DLGAP2: variants seen among roughly 807,000 people sequenced by gnomAD.
The protein encoded by DLGAP2 is disks large-associated protein 2.
Under a neutral mutation model 100.3 loss-of-function variants are expected in DLGAP2, and 26 were observed. The ratio of observed to expected loss-of-function variants is 0.26; its 90% confidence interval spans 0.19 to 0.36. The LOEUF (loss-of-function observed/expected upper bound fraction) is 0.36. DLGAP2 is among the 10% of genes least tolerant of loss of function. The pLI is 1.00. For synonymous variants in DLGAP2, 886 were observed against 630.1 expected, an observed-to-expected ratio of 1.41 and a Z score of -6.08; for missense variants, 1,858 against 1,453.2, an observed-to-expected ratio of 1.28 and a Z score of -4.53.
intron 3 of DLGAP2, among the ~76,000 whole-genome samples, chr8:1,413,304 A>C (rs1796787047): frequency 6.6e-6 from 1 of 152,260 alleles, no homozygotes; most frequent in South Asian, 2.1e-4. Context: ...AGCAGAATGA[A>C]TAAATGGATA....
chr8:1,371,281 G>C (rs991031659), intron 3 of DLGAP2, among the ~76,000 whole-genome samples: 1 of 152,176 alleles, frequency 6.6e-6, no homozygotes, highest in Non-Finnish European at 1.5e-5. Context: ...CCTTTCATTC[G>C]GCCTCTATTT....
At chr8:1,228,659 A>G (rs1213944933) in intron 2 of DLGAP2, among the ~76,000 whole-genome samples, 2 of 152,374 alleles carry the variant, frequency 1.3e-5, no homozygotes, top group African/African-American at 2.4e-5. Context: ...AATGCAATGC[A>G]ACATATTAAT....
intron 2 of DLGAP2, among the ~76,000 whole-genome samples, chr8:1,011,972 A>T (rs1801302813): frequency 6.6e-6 from 1 of 152,160 alleles, no homozygotes; most frequent in African/African-American, 2.4e-5. Context: ...GGCTCACTCT[A>T]AATTCAGGCT....
At chr8:1,102,318 A>AAT (rs1165012965) in intron 2 of DLGAP2, among the ~76,000 whole-genome samples, 2 of 147,510 alleles carry the variant, frequency 1.4e-5, no homozygotes, top group South Asian at 2.1e-4. Context: ...ATTACATAAT[A>AAT]ATATATATAA....
chr8:1,613,861 T>G (rs1797063362), intron 6 of DLGAP2, among the ~76,000 whole-genome samples: 1 of 152,260 alleles, frequency 6.6e-6, no homozygotes, highest in East Asian at 1.9e-4. Context: ...AGAGAAAGAT[T>G]AGCAAATTGA....
At chr8:988,983 C>G (rs553387194) in intron 2 of DLGAP2, among the ~76,000 whole-genome samples, 5 of 152,202 alleles carry the variant, frequency 3.3e-5, no homozygotes, top group Non-Finnish European at 5.9e-5. Context: ...TCCTCTCCGT[C>G]GCTGCCTGCA....
intron 2 of DLGAP2, among the ~76,000 whole-genome samples, chr8:1,202,769 C>T (rs1797906975): frequency 6.6e-6 from 1 of 152,196 alleles, no homozygotes; most frequent in Non-Finnish European, 1.5e-5. Context: ...CTCAGGCATT[C>T]ACCTTGAATC....
At chr8:1,331,220 C>T (rs1244771189) in intron 3 of DLGAP2, among the ~76,000 whole-genome samples, 1 of 152,186 alleles carries the variant, frequency 6.6e-6, no homozygotes. Context: ...CACTGATGTG[C>T]TAGTTGAAGC....
rs140426786 is a variant in DLGAP2 at position 1,332,092 on chromosome 8, A to G, written c.106+73209A>G. On this transcript the variant is annotated intron_variant, in intron 3 of 14. Transcript: ENST00000637795. ...GGGTTTCCATGGCCTGGCACAGCCC[A>G]TCCCCAACAGCCACCTTCCTTTGCT... Among the ~76,000 whole-genome samples, 91 of 152,330 alleles carry G rather than the reference A, an allele frequency of 6.0e-4. 1 individual carries two copies. The highest frequency in any genetic ancestry group is 2.1e-3 in the African/African-American group (87 of 41,580).
Position 1,705,355 on chromosome 8 carries a change from A to G in DLGAP2, c.*3949A>G, listed in dbSNP as rs1297993297. On this transcript the variant is annotated 3_prime_UTR_variant, in exon 15 of 15. Coordinates refer to ENST00000637795, the MANE Select transcript of DLGAP2 (RefSeq NM_001346810.2). Reference sequence around the variant, plus strand: ...CGTTTCATCAGTCAGCCTTGCTTGGAATTCTGGCAGGTTCCCCGGGGTGTT... The same window carrying G: ...CGTTTCATCAGTCAGCCTTGCTTGGGATTCTGGCAGGTTCCCCGGGGTGTT... 2 of 152,260 alleles carry G rather than the reference A, an allele frequency of 1.3e-5. No homozygotes were observed. Among genetic ancestry groups the G allele is most frequent in the Non-Finnish European group, 2.9e-5 (2 of 68,082 alleles). 9.4% of individuals were successfully genotyped at this position (152,260 alleles called of 1,614,324 possible).
At chr8:1,046,673 C>T (rs745612346) in intron 2 of DLGAP2, among the ~76,000 whole-genome samples, 2 of 152,182 alleles carry the variant, frequency 1.3e-5, no homozygotes, top group African/African-American at 2.4e-5. Flanking sequence ...CTCTCCTTAG[C>T]ATCAGTGTCT....
chr8:857,955 C>A (rs888893689), intron 1 of DLGAP2, among the ~76,000 whole-genome samples: 3 of 151,678 alleles, frequency 2.0e-5, no homozygotes, highest in African/African-American at 7.3e-5. Flanking sequence ...ACTGCAGCCT[C>A]TGTCTCCTGG....
intron 2 of DLGAP2, among the ~76,000 whole-genome samples, chr8:1,132,804 AGGGCAGGAC>A: frequency 6.6e-6 from 1 of 152,352 alleles, no homozygotes; most frequent in East Asian, 1.9e-4. Flanking sequence ...TAAGCTTAGA[AGGGCAGGAC>A]GCCCAGTCGC....
intron 2 of DLGAP2, among the ~76,000 whole-genome samples, chr8:975,669 A>T (rs775880310): frequency 2.0e-5 from 3 of 152,234 alleles, no homozygotes; most frequent in Non-Finnish European, 4.4e-5. Flanking sequence ...AGCATTTGCC[A>T]AAACCCAGCA....
chr8:1,170,397 T>C (rs1797104522), intron 2 of DLGAP2, among the ~76,000 whole-genome samples: 1 of 152,176 alleles, frequency 6.6e-6, no homozygotes, highest in South Asian at 2.1e-4. Context: ...GCTGGCCTCA[T>C]AAAATGAGTT....
intron 2 of DLGAP2, among the ~76,000 whole-genome samples, chr8:950,683 A>G (rs557623228): frequency 3.9e-4 from 56 of 143,316 alleles, no homozygotes; most frequent in Non-Finnish European, 4.5e-4. Flanking sequence ...GTGTAGTGGC[A>G]CGATCTTGGC....
chr8:1,026,421 G>A (rs946552449), intron 2 of DLGAP2, among the ~76,000 whole-genome samples: 1 of 152,156 alleles, frequency 6.6e-6, no homozygotes, highest in East Asian at 1.9e-4. Flanking sequence ...CCGCCGCCTT[G>A]GCTGCACCCT....
chr8:1,303,257 C>T (rs998958919), intron 3 of DLGAP2, among the ~76,000 whole-genome samples: 3 of 152,026 alleles, frequency 2.0e-5, no homozygotes, highest in Non-Finnish European at 4.4e-5. Context: ...ACTAGCCGGG[C>T]GTGGTGGCGG....
At chr8:978,444 T>C in intron 2 of DLGAP2, among the ~76,000 whole-genome samples, 1 of 65,710 alleles carries the variant, frequency 1.5e-5, no homozygotes, top group Non-Finnish European at 3.8e-5. Context: ...GGTGCTGCGT[T>C]CTGGTCTTTG....
Sources: allele counts gnomAD v4.1 joint callset (sites outside exome capture counted in the v4.1 genomes callset), GRCh38; gene constraint gnomAD v4.1.1; transcripts MANE v1.5; gene names NCBI Gene and HGNC (gene_info 2026-07-23, HGNC 2026-07-21).